Variants in NRXN1 observed in about 807,000 individuals in gnomAD.
The protein encoded by NRXN1 is neurexin-1.
NRXN1 carries 39 observed loss-of-function variants against 150.9 expected under a neutral mutation model. The ratio of observed to expected loss-of-function variants is 0.26; its 90% CI spans 0.20 to 0.34. NRXN1 has a LOEUF of 0.34. Ranked by LOEUF, NRXN1 falls within the 10% of genes least tolerant of loss-of-function variation. NRXN1 has a pLI of 1.00. For missense variants in NRXN1, 1,815 were observed against 1,949.9 expected (o/e 0.93, Z 1.30); for synonymous variants, 924 against 757.0 (o/e 1.22, Z -3.62).
At chr2:50,038,333 T>G (rs1003500393) in intron 21 of NRXN1, among the ~76,000 whole-genome samples, 1 of 152,162 alleles carries the variant, frequency 6.6e-6, no homozygotes, top group African/African-American at 2.4e-5. Flanking sequence ...CAAGATTAGG[T>G]TATAAAAAGC....
intron 18 of NRXN1, among the ~76,000 whole-genome samples, chr2:50,160,392 T>C (rs1050962820): frequency 2.0e-5 from 3 of 151,874 alleles, no homozygotes; most frequent in Admixed American, 2.0e-4. Context: ...AATACAAAAA[T>C]TAGCTGGGCA....
At chr2:50,482,352 C>A (rs553110828) in intron 15 of NRXN1, among the ~76,000 whole-genome samples, 2 of 152,294 alleles carry the variant, frequency 1.3e-5, no homozygotes, top group South Asian at 4.1e-4. Context: ...CTAACTTCAT[C>A]TAATGGCTTT....
At chr2:50,427,834 T>C (rs1371952111) in intron 17 of NRXN1, among the ~76,000 whole-genome samples, 1 of 152,222 alleles carries the variant, frequency 6.6e-6, no homozygotes, top group Non-Finnish European at 1.5e-5. Flanking sequence ...TCCCATTTTC[T>C]TTATATTTTG....
intron 18 of NRXN1, among the ~76,000 whole-genome samples, chr2:50,161,045 C>T (rs748030386): frequency 6.6e-6 from 1 of 151,992 alleles, no homozygotes; most frequent in Non-Finnish European, 1.5e-5. Flanking sequence ...TTTAGGGGAA[C>T]AATTATATTT....
At chr2:50,237,140 A>C in intron 17 of NRXN1, among the ~76,000 whole-genome samples, 170 bp from the exon 18 acceptor site, 1 of 152,114 alleles carries the variant, frequency 6.6e-6, no homozygotes, top group East Asian at 1.9e-4. Flanking sequence ...AAGTTGTTTT[A>C]AAAGAAATGG....
At chr2:50,452,179 G>A (rs2087031340) in intron 17 of NRXN1, among the ~76,000 whole-genome samples, 1 of 152,154 alleles carries the variant, frequency 6.6e-6, no homozygotes, top group Non-Finnish European at 1.5e-5. Flanking sequence ...GCTGAAAAGA[G>A]GAAGACATCC....
chr2:50,069,662 T>C (rs574888809), intron 19 of NRXN1, among the ~76,000 whole-genome samples: 1 of 152,142 alleles, frequency 6.6e-6, no homozygotes, highest in Non-Finnish European at 1.5e-5. Flanking sequence ...ATTACATTTT[T>C]CTGAAACGTT....
intron 5 of NRXN1, among the ~76,000 whole-genome samples, chr2:50,903,040 A>G (rs1164205991): frequency 6.6e-6 from 1 of 152,152 alleles, no homozygotes; most frequent in Non-Finnish European, 1.5e-5. Flanking sequence ...GTAGAAAATT[A>G]CAATAATATC....
At chr2:50,130,722 A>G (rs550086198) in intron 18 of NRXN1, among the ~76,000 whole-genome samples, 1 of 152,334 alleles carries the variant, frequency 6.6e-6, no homozygotes, top group African/African-American at 2.4e-5. Flanking sequence ...TACTGTTTTC[A>G]TTATTAACCA....
chr2:50,548,686 T>C (rs2093548693), intron 9 of NRXN1, among the ~76,000 whole-genome samples: 1 of 151,580 alleles, frequency 6.6e-6, no homozygotes, highest in Non-Finnish European at 1.5e-5. Flanking sequence ...TAAATACAAT[T>C]TTCTCTATCT....
At chr2:50,693,710 C>T (rs547693798) in intron 5 of NRXN1, among the ~76,000 whole-genome samples, 2 of 152,284 alleles carry the variant, frequency 1.3e-5, no homozygotes, top group South Asian at 4.1e-4. Flanking sequence ...ACTAACTCAA[C>T]TTCAGAAAGT....
chr2:50,012,967 A>T (rs1558691305), intron 21 of NRXN1, among the ~76,000 whole-genome samples: 1 of 152,034 alleles, frequency 6.6e-6, no homozygotes, highest in African/African-American at 2.4e-5. Context: ...TAGTGGAAAG[A>T]ATTTGCAAAG....
intron 18 of NRXN1, among the ~76,000 whole-genome samples, chr2:50,166,346 A>G (rs557137653): frequency 6.8e-6 from 1 of 147,926 alleles, no homozygotes; most frequent in African/African-American, 2.5e-5. Context: ...TGTGTGTTCA[A>G]GAATGGAAAA....
intron 18 of NRXN1, among the ~76,000 whole-genome samples, chr2:50,170,773 G>C (rs2059982996): frequency 1.3e-5 from 2 of 151,754 alleles, no homozygotes; most frequent in African/African-American, 4.8e-5. Flanking sequence ...GTGTGTGTGT[G>C]TGTGTGTGTG....
At chr2:50,635,683 C>A (rs911856160) in intron 5 of NRXN1, among the ~76,000 whole-genome samples, 4 of 152,126 alleles carry the variant, frequency 2.6e-5, no homozygotes, top group African/African-American at 7.2e-5. Context: ...AAAAAGCTAA[C>A]CTCTTCATTA....
chr2:50,040,079 T>C (rs978413419), intron 21 of NRXN1, among the ~76,000 whole-genome samples: 2 of 152,040 alleles, frequency 1.3e-5, no homozygotes, highest in Non-Finnish European at 2.9e-5. Flanking sequence ...ATCCTCATAA[T>C]CCAAATAAAA....
Position 50,620,080 on chromosome 2 carries a change from C to T in NRXN1, c.1262G>A (p.Ser421Asn). Reference protein sequence around the residue: ...DDFFYVGGSPSTADLPGSPVS... With the variant: ...DDFFYVGGSPNTADLPGSPVS... Reference sequence around the variant, plus strand: ...TGGTGACCCTGGAAGGTCGGCTGTGCTGGGACTGCCTCCAACATAGAAAAA... The same window carrying T: ...TGGTGACCCTGGAAGGTCGGCTGTGTTGGGACTGCCTCCAACATAGAAAAA... Residue 421 changes from serine (S) to asparagine (N), a missense_variant, in exon 8 of 23, where the codon AGC becomes AAC. Coordinates refer to ENST00000401669, the MANE Select transcript of NRXN1 (RefSeq NM_001330078.2). The T allele has an allele frequency of 6.2e-7, 1 of 1,613,006 alleles. No individual in the cohort carries two copies. The highest frequency in any genetic ancestry group is 8.5e-7 in the Non-Finnish European group (1 of 1,179,406).
chr2:49,990,307 T>C (rs932654406), intron 21 of NRXN1, among the ~76,000 whole-genome samples: 2 of 152,042 alleles, frequency 1.3e-5, no homozygotes, highest in Admixed American at 6.6e-5. Flanking sequence ...AGAAAGACAG[T>C]GTGATCTAAG....
At chr2:50,616,389 C>T (rs1679058471) in intron 8 of NRXN1, 1 of 152,082 alleles carries the variant, frequency 6.6e-6, no homozygotes, top group Admixed American at 6.6e-5. Context: ...AGTCTCATTT[C>T]AAATAGACAT....
Sources: gnomAD v4.1 joint callset for allele counts (sites outside exome capture counted in the v4.1 genomes callset) on GRCh38, gnomAD v4.1.1 for gene constraint, MANE v1.5 for transcripts, NCBI Gene and HGNC (gene_info 2026-07-23, HGNC 2026-07-21) for gene names.